ASAP3: variants seen among roughly 807,000 people sequenced by gnomAD.
ASAP3 encodes ArfGAP with SH3 domain, ankyrin repeat and PH domain 3.
A neutral mutation model predicts 118.2 loss-of-function variants in ASAP3; 85 were observed. That is an observed-to-expected ratio of 0.72 (90% CI 0.60 to 0.86). The LOEUF is 0.86. ASAP3 is among the 40% of genes least tolerant of loss of function. The probability of loss-of-function intolerance (pLI) is 0.00; values close to 1 mark genes in which losing one functional copy is unlikely to be tolerated. For missense variants in ASAP3, 1,026 were observed against 1,175.0 expected (o/e 0.87, Z 1.85); for synonymous variants, 432 against 477.4 (o/e 0.90, Z 1.24).
At position 23,429,748 on chromosome 1, in the gene ASAP3, A is replaced by G. The variant is rs1401124527; in HGVS notation, c.*108T>C. 1 of 1,123,292 alleles carries G rather than the reference A, an allele frequency of 8.9e-7. No homozygotes were observed. 69.6% of individuals were successfully genotyped at this position (1,123,292 alleles called of 1,614,324 possible). A position where few individuals can be genotyped will look rare whatever the true frequency, so the allele number is the denominator to read the frequency against. ...AGCTACAGAGGCACAAGGGACAGAG[A>G]GAGTGAGATCCAAGAGAACAAATGT... On this transcript the variant is annotated 3_prime_UTR_variant, in exon 25 of 25. Coordinates refer to ENST00000336689, the MANE Select transcript of ASAP3 (RefSeq NM_017707.4).
chr1:23,473,139 T>C (rs771691707), intron 1 of ASAP3, among the ~76,000 whole-genome samples: 1 of 152,124 alleles, frequency 6.6e-6, no homozygotes, highest in Non-Finnish European at 1.5e-5. Flanking sequence ...GCTTAATGGA[T>C]TACTAACCTT....
intron 7 of ASAP3, 65 bp downstream of exon 7, chr1:23,442,121 C>T (rs912779729): frequency 4.0e-6 from 6 of 1,511,554 alleles, no homozygotes; most frequent in Non-Finnish European, 5.4e-6. Context: ...TCTATCACAC[C>T]TTGAGAGGGG....
chr1:23,442,103 C>T, intron 7 of ASAP3, 83 bp downstream of exon 7: 1 of 1,414,362 alleles, frequency 7.1e-7, no homozygotes, highest in Non-Finnish European at 9.8e-7. Context: ...TCCAAAGAGA[C>T]TCTCAGGTCT....
chr1:23,445,287 C>T (rs1334152954), intron 5 of ASAP3, among the ~76,000 whole-genome samples: 1 of 152,034 alleles, frequency 6.6e-6, no homozygotes, highest in African/African-American at 2.4e-5. Context: ...CCCAGAAGTT[C>T]GAAACCAGCT....
At chr1:23,470,909 C>T (rs1288306704) in intron 1 of ASAP3, among the ~76,000 whole-genome samples, 3 of 152,182 alleles carry the variant, frequency 2.0e-5, no homozygotes, top group East Asian at 1.9e-4. Flanking sequence ...GATTGCTTGG[C>T]GGTGATGAGC....
chr1:23,478,611 T>C (rs1642208263), intron 1 of ASAP3, among the ~76,000 whole-genome samples: 1 of 151,266 alleles, frequency 6.6e-6, no homozygotes, highest in Non-Finnish European at 1.5e-5. Context: ...ATACAAAAAA[T>C]TATCCGGGCG....
intron 23 of ASAP3, among the ~76,000 whole-genome samples, chr1:23,431,346 G>A (rs1040378444): frequency 2.6e-5 from 4 of 152,224 alleles, no homozygotes; most frequent in African/African-American, 9.7e-5. Context: ...ACTCCAGACT[G>A]AATGGGTTTG....
intron 7 of ASAP3, 70 bp downstream of exon 7, chr1:23,442,116 C>A: frequency 6.8e-7 from 1 of 1,478,776 alleles, no homozygotes; most frequent in East Asian, 2.4e-5. Context: ...TCAGGTCTAT[C>A]ACACCTTGAG....
At chr1:23,449,220 C>G (rs541092639) in intron 5 of ASAP3, among the ~76,000 whole-genome samples, 26 of 152,332 alleles carry the variant, frequency 1.7e-4, no homozygotes, top group African/African-American at 5.8e-4. Context: ...AGTTCTGGCT[C>G]ATATAGGTGG....
chr1:23,463,783 A>G (rs1430423807), intron 1 of ASAP3, among the ~76,000 whole-genome samples: 3 of 151,898 alleles, frequency 2.0e-5, no homozygotes, highest in Non-Finnish European at 4.4e-5. Context: ...TATCTTTAGT[A>G]GAGACGGGGT....
At chr1:23,457,722 AG>A (rs1348531122) in intron 1 of ASAP3, among the ~76,000 whole-genome samples, 1 of 152,182 alleles carries the variant, frequency 6.6e-6, no homozygotes, top group East Asian at 1.9e-4. Flanking sequence ...TGTGTTGGCC[AG>A]GTTGGTCTCA....
rs1433166891 is a variant in ASAP3, at chr1:23,437,162, C to T, written c.1310G>A (p.Gly437Glu). 2 of 1,608,202 alleles carry T rather than the reference C, an allele frequency of 1.2e-6. No individual in the cohort carries two copies. Among genetic ancestry groups the T allele is most frequent in the Non-Finnish European group, 8.5e-7 (1 of 1,177,814 alleles). ...LLIAEVKSRP[G>E]NSQCCDCGAA... ...CCCGCAGTCGCAGCACTGGCTATTC[C>T]CAGGCCTGCTCTTCACCTCCGCGAT... The change falls in exon 14 of 25, where the codon GGG becomes GAG. Residue 437 changes from glycine (G) to glutamate (E), a missense_variant. Physicochemically the swap from Gly to Glu is moderately conservative, Grantham distance 98 (BLOSUM62 -2). Transcript: ENST00000336689. The surrounding 1 kb of genome is among the most constrained non-coding windows in gnomAD (Gnocchi z 6.1).
chr1:23,481,074 T>C (rs1380008148), intron 1 of ASAP3, among the ~76,000 whole-genome samples: 1 of 152,168 alleles, frequency 6.6e-6, no homozygotes, highest in African/African-American at 2.4e-5. Context: ...GTAGAAATGC[T>C]AACTTTCCCA....
intron 1 of ASAP3, among the ~76,000 whole-genome samples, chr1:23,456,450 T>G (rs1383633763): frequency 6.6e-6 from 1 of 152,040 alleles, no homozygotes; most frequent in Non-Finnish European, 1.5e-5. Context: ...GCAGCGTAAA[T>G]GTAGTGAGTC....
intron 1 of ASAP3, among the ~76,000 whole-genome samples, chr1:23,468,409 TTCAA>T (rs1641845107): frequency 6.6e-6 from 1 of 152,210 alleles, no homozygotes; most frequent in Non-Finnish European, 1.5e-5. Flanking sequence ...TCCCATATTT[TTCAA>T]TCAATCAATA....
intron 3 of ASAP3, among the ~76,000 whole-genome samples, chr1:23,452,988 G>T (rs529977308): frequency 6.6e-5 from 10 of 152,210 alleles, no homozygotes; most frequent in African/African-American, 2.4e-4. Context: ...TCCAGCTCTG[G>T]GGTCTGCTTA....
At chr1:23,480,774 T>C (rs535736558) in intron 1 of ASAP3, among the ~76,000 whole-genome samples, 1 of 152,304 alleles carries the variant, frequency 6.6e-6, no homozygotes, top group Admixed American at 6.5e-5. Flanking sequence ...TCCACTGCCC[T>C]AGGCCCGGTT....
chr1:23,449,469 TG>T (rs2148627891), intron 5 of ASAP3, among the ~76,000 whole-genome samples: 1 of 152,232 alleles, frequency 6.6e-6, no homozygotes, highest in East Asian at 1.9e-4. Context: ...AAGCTCCCAG[TG>T]GTATTTGACA....
Position 23,429,236 on chromosome 1 carries a change from A to G in ASAP3, c.*620T>C, listed in dbSNP as rs1327894196. 6.6e-6 allele frequency: 1 copy of G among 152,390 alleles called. No individual in the cohort carries two copies. Among genetic ancestry groups the G allele is most frequent in the Non-Finnish European group, 1.5e-5 (1 of 68,216 alleles). The allele number at this position is 152,390 out of a possible 1,614,324, so 9.4% of individuals were successfully genotyped here. On this transcript the variant is annotated 3_prime_UTR_variant, in exon 25 of 25. Transcript: ENST00000336689. ...ATCTGTAGACAATTGTAATGGTCAT[A>G]TAGGTATAAACCAGCTGAGTCCAGA...
Sources: gnomAD v4.1 joint callset for allele counts (sites outside exome capture counted in the v4.1 genomes callset) on GRCh38, gnomAD v4.1.1 for gene constraint, Gnocchi (gnomAD v3.1) non-coding constraint, MANE v1.5 for transcripts, NCBI Gene and HGNC (gene_info 2026-07-23, HGNC 2026-07-21) for gene names.